Variants in ZCCHC7 observed in about 807,000 individuals in gnomAD.
ZCCHC7 encodes zinc finger CCHC domain-containing protein 7.
Under a neutral mutation model 52.0 loss-of-function variants are expected in ZCCHC7, and 35 were observed. That is an observed-to-expected ratio of 0.67 (90% CI 0.51 to 0.89). ZCCHC7 has a LOEUF of 0.89. Among genes scored for constraint, ZCCHC7 ranks in the 40% least tolerant of loss-of-function variants. The probability of loss-of-function intolerance (pLI) is 0.00; values close to 1 mark genes in which losing one functional copy is unlikely to be tolerated. For synonymous variants in ZCCHC7, 217 were observed against 221.5 expected (o/e 0.98, Z 0.18); for missense variants, 574 against 649.1 (o/e 0.88, Z 1.26).
At chr9:37,347,344 CT>C (rs2118575808) in intron 6 of ZCCHC7, among the ~76,000 whole-genome samples, 2 of 152,310 alleles carry the variant, frequency 1.3e-5, no homozygotes, top group African/African-American at 4.8e-5. Context: ...TATAACTTCT[CT>C]CTCCTACAAC....
intron 6 of ZCCHC7, among the ~76,000 whole-genome samples, chr9:37,332,317 C>T (rs551301978): frequency 1.1e-4 from 17 of 151,232 alleles, no homozygotes; most frequent in Non-Finnish European, 2.1e-4. Context: ...ATAAATCAGA[C>T]TGGTTTATCT....
At chr9:37,290,301 G>T (rs1042999501) in intron 2 of ZCCHC7, among the ~76,000 whole-genome samples, 1 of 152,122 alleles carries the variant, frequency 6.6e-6, no homozygotes, top group South Asian at 2.1e-4. Flanking sequence ...TATACCGTCA[G>T]GTTTATTGGA....
At chr9:37,267,134 C>T (rs934950380) in intron 2 of ZCCHC7, among the ~76,000 whole-genome samples, 3 of 152,134 alleles carry the variant, frequency 2.0e-5, no homozygotes, top group Non-Finnish European at 2.9e-5. Context: ...TATTAATCCT[C>T]ATCATTTCTT....
chr9:37,149,747 T>C (rs1843603024), intron 2 of ZCCHC7, among the ~76,000 whole-genome samples: 1 of 152,196 alleles, frequency 6.6e-6, no homozygotes, highest in Non-Finnish European at 1.5e-5. Flanking sequence ...ATGTGTCAGC[T>C]TGCCTTTATA....
chr9:37,241,754 G>A (rs1397238783), intron 2 of ZCCHC7, among the ~76,000 whole-genome samples: 2 of 151,712 alleles, frequency 1.3e-5, no homozygotes, highest in Non-Finnish European at 3.0e-5. Flanking sequence ...TGCCCAGTGA[G>A]ATACTAAAGT....
chr9:37,263,123 T>G (rs143527441), intron 2 of ZCCHC7, among the ~76,000 whole-genome samples: 32 of 152,286 alleles, frequency 2.1e-4, no homozygotes, highest in East Asian at 9.6e-4. Flanking sequence ...TATGTTTTTA[T>G]TTTTTTAATT....
chr9:37,133,578 A>T (rs930151146), intron 2 of ZCCHC7, among the ~76,000 whole-genome samples: 11 of 151,740 alleles, frequency 7.2e-5, no homozygotes, highest in East Asian at 5.8e-4. Flanking sequence ...TTTAAAATTT[A>T]AAAATTTTAA....
chr9:37,292,076 CATG>C (rs1005592276), intron 2 of ZCCHC7, among the ~76,000 whole-genome samples: 4 of 152,152 alleles, frequency 2.6e-5, no homozygotes, highest in Non-Finnish European at 5.9e-5. Flanking sequence ...TAGGTTCATG[CATG>C]ATAATTGATG....
At chr9:37,332,291 A>G (rs1027346629) in intron 6 of ZCCHC7, among the ~76,000 whole-genome samples, 12 of 151,538 alleles carry the variant, frequency 7.9e-5, no homozygotes, top group Non-Finnish European at 1.3e-4. Context: ...CCATCTTTCC[A>G]TTATAGTACT....
chr9:37,247,507 T>G (rs1276506473), intron 2 of ZCCHC7, among the ~76,000 whole-genome samples: 1 of 152,180 alleles, frequency 6.6e-6, no homozygotes, highest in Non-Finnish European at 1.5e-5. Context: ...CTGTTCTAGG[T>G]GATGTGGTAT....
chr9:37,197,898 T>C (rs1161543065), intron 2 of ZCCHC7, among the ~76,000 whole-genome samples: 4 of 152,210 alleles, frequency 2.6e-5, no homozygotes, highest in African/African-American at 9.6e-5. Context: ...TCATTTAATA[T>C]ATGAGCAGGG....
intron 2 of ZCCHC7, among the ~76,000 whole-genome samples, chr9:37,242,967 T>A (rs953058893): frequency 6.6e-6 from 1 of 151,842 alleles, no homozygotes; most frequent in African/African-American, 2.4e-5. Flanking sequence ...AGAAAAGCAA[T>A]CATCTGAGTC....
In ZCCHC7 at chr9:37,158,770, G is replaced by A. The variant is rs568941157; in HGVS notation, c.610+31828G>A. 4.6e-5 allele frequency among the ~76,000 whole-genome samples: 7 copies of A among 152,250 alleles called. No individual in the cohort carries two copies. In the East Asian group the frequency reaches 1.2e-3, roughly 25 times the overall value. ...GTAGAAGAATTATTTTGTACACTATGTGTGAAAGATCAAAGAATATGGGGC... is the reference window on the plus strand; with the variant it reads ...GTAGAAGAATTATTTTGTACACTATATGTGAAAGATCAAAGAATATGGGGC... On this transcript the variant is annotated intron_variant, in intron 2 of 8. Coordinates refer to ENST00000336755, the MANE Select transcript of ZCCHC7 (RefSeq NM_032226.3).
At chr9:37,124,752 T>C (rs116175080) in intron 1 of ZCCHC7, among the ~76,000 whole-genome samples, 238 of 152,378 alleles carry the variant, frequency 1.6e-3, no homozygotes, top group African/African-American at 5.6e-3. Flanking sequence ...TGTTTCACTT[T>C]ACACATTTAT....
At chr9:37,247,686 A>G (rs2133380511) in intron 2 of ZCCHC7, among the ~76,000 whole-genome samples, 1 of 152,234 alleles carries the variant, frequency 6.6e-6, no homozygotes. Flanking sequence ...AGGTAGGAGA[A>G]TTGCATTAGC....
intron 2 of ZCCHC7, among the ~76,000 whole-genome samples, chr9:37,134,672 T>C (rs1393545114): frequency 1.3e-5 from 2 of 152,186 alleles, no homozygotes; most frequent in African/African-American, 4.8e-5. Flanking sequence ...TGTCCTTACA[T>C]GTGTATATCT....
At chr9:37,290,395 C>T (rs1163643549) in intron 2 of ZCCHC7, among the ~76,000 whole-genome samples, 1 of 152,132 alleles carries the variant, frequency 6.6e-6, no homozygotes, top group Non-Finnish European at 1.5e-5. Flanking sequence ...GTGGCTCATG[C>T]CTGTAATCCC....
chr9:37,193,910 C>A (rs1354290412), intron 2 of ZCCHC7, among the ~76,000 whole-genome samples: 3 of 152,176 alleles, frequency 2.0e-5, no homozygotes, highest in Admixed American at 2.0e-4. Flanking sequence ...CTGTGTGACC[C>A]TTGTAACCTG....
intron 2 of ZCCHC7, among the ~76,000 whole-genome samples, chr9:37,282,872 CTTTTTTTTTTTTT>C (rs58619243): frequency 1.3e-5 from 1 of 78,134 alleles, no homozygotes; most frequent in East Asian, 3.9e-4. Context: ...AGACCTGAAT[CTTTTTTTTTTTTT>C]TTTTTTTTTA....
Sources: gnomAD v4.1 joint callset for allele counts (sites outside exome capture counted in the v4.1 genomes callset) on GRCh38, gnomAD v4.1.1 for gene constraint, MANE v1.5 for transcripts, NCBI Gene and HGNC (gene_info 2026-07-23, HGNC 2026-07-21) for gene names.